GNAQ: variants seen among roughly 807,000 people sequenced by gnomAD.
GNAQ encodes G protein subunit alpha q, also known as guanine nucleotide-binding protein G(q) subunit alpha.
GNAQ carries 8 observed loss-of-function variants against 43.9 expected under a neutral mutation model. The observed-to-expected ratio is 0.18, with a 90% confidence interval of 0.11 to 0.33. The LOEUF is 0.33. Ranked by LOEUF, GNAQ falls within the 10% of genes least tolerant of loss-of-function variation. The probability of loss-of-function intolerance (pLI) is 1.00; values close to 1 mark genes in which losing one functional copy is unlikely to be tolerated. For missense variants in GNAQ, 158 were observed against 450.8 expected, an observed-to-expected ratio of 0.35 and a Z score of 5.88; for synonymous variants, 155 against 170.7, an observed-to-expected ratio of 0.91 and a Z score of 0.71.
intron 6 of GNAQ, 82 bp downstream of exon 6, chr9:77,728,432 T>C: frequency 5.4e-6 from 5 of 922,340 alleles, no homozygotes; most frequent in Non-Finnish European, 9.0e-6. Context: ...AATGGTGCAC[T>C]GTAGTGCGTT....
intron 2 of GNAQ, among the ~76,000 whole-genome samples, chr9:77,845,489 G>T (rs1293070489): frequency 6.6e-6 from 1 of 151,980 alleles, no homozygotes; most frequent in Non-Finnish European, 1.5e-5. Context: ...GTTCCTTTGT[G>T]GATATTATTT....
intron 4 of GNAQ, among the ~76,000 whole-genome samples, chr9:77,795,379 C>T (rs1172566339): frequency 1.3e-5 from 2 of 152,134 alleles, no homozygotes; most frequent in African/African-American, 2.4e-5. Context: ...TCTAGCAATG[C>T]TTGGCACTGA....
intron 1 of GNAQ, among the ~76,000 whole-genome samples, chr9:77,986,800 G>GC (rs1201308086): frequency 1.7e-4 from 23 of 134,612 alleles, no homozygotes; most frequent in African/African-American, 6.4e-4. Flanking sequence ...ATGGCACCTG[G>GC]CCCTTTTTTT....
intron 2 of GNAQ, among the ~76,000 whole-genome samples, chr9:77,853,364 A>G (rs1827701066): frequency 6.6e-6 from 1 of 152,174 alleles, no homozygotes; most frequent in Non-Finnish European, 1.5e-5. Flanking sequence ...GATGTATATA[A>G]ATAGTAGTAA....
intron 3 of GNAQ, among the ~76,000 whole-genome samples, chr9:77,815,174 G>A (rs1298228700): frequency 1.3e-5 from 2 of 152,180 alleles, no homozygotes; most frequent in African/African-American, 4.8e-5. Flanking sequence ...GAAGTCTGAT[G>A]TTTTAAGAAG....
At chr9:77,800,808 T>A (rs927999234) in intron 3 of GNAQ, among the ~76,000 whole-genome samples, 5 of 152,228 alleles carry the variant, frequency 3.3e-5, no homozygotes, top group African/African-American at 9.6e-5. Context: ...TGGGGTTTTC[T>A]AATTTATCAG....
At chr9:78,029,917 C>T (rs1483817612) in intron 1 of GNAQ, among the ~76,000 whole-genome samples, 1 of 152,200 alleles carries the variant, frequency 6.6e-6, no homozygotes, top group Non-Finnish European at 1.5e-5. Context: ...GCTGTTTGCT[C>T]TTCCTGCCAC....
At chr9:77,798,321 T>C (rs550137323) in intron 3 of GNAQ, among the ~76,000 whole-genome samples, 27 of 152,184 alleles carry the variant, frequency 1.8e-4, no homozygotes, top group Non-Finnish European at 2.8e-4. Context: ...TTAAAAGAAT[T>C]TTTCTTTTGA....
chr9:78,023,412 A>G (rs1389332552), intron 1 of GNAQ, among the ~76,000 whole-genome samples: 2 of 152,194 alleles, frequency 1.3e-5, no homozygotes, highest in African/African-American at 2.4e-5. Flanking sequence ...GAACCTCTTT[A>G]GCATCTGTTT....
chr9:77,855,692 T>C (rs1827742966), intron 2 of GNAQ, among the ~76,000 whole-genome samples: 1 of 152,036 alleles, frequency 6.6e-6, no homozygotes, highest in Non-Finnish European at 1.5e-5. Context: ...AAGGCAAAGA[T>C]GCTGAGATTT....
At chr9:77,873,231 A>C (rs1362906742) in intron 2 of GNAQ, among the ~76,000 whole-genome samples, 1 of 152,242 alleles carries the variant, frequency 6.6e-6, no homozygotes, top group African/African-American at 2.4e-5. Context: ...CTGTTTGCAC[A>C]TGCAAGGTAG....
At chr9:77,755,913 G>A (rs910487851) in intron 5 of GNAQ, among the ~76,000 whole-genome samples, 1 of 152,162 alleles carries the variant, frequency 6.6e-6, no homozygotes, top group Non-Finnish European at 1.5e-5. Context: ...TGTCTGTGAT[G>A]GTGTTGCCAA....
At chr9:77,749,386 G>A (rs551893285) in intron 5 of GNAQ, among the ~76,000 whole-genome samples, 2 of 152,270 alleles carry the variant, frequency 1.3e-5, no homozygotes, top group South Asian at 4.1e-4. Flanking sequence ...GTGGTAGAAT[G>A]TTATTCAGGA....
intron 5 of GNAQ, among the ~76,000 whole-genome samples, chr9:77,750,986 G>A (rs1825802492): frequency 6.6e-6 from 1 of 152,208 alleles, no homozygotes; most frequent in South Asian, 2.1e-4. Context: ...CAACTCATGA[G>A]TCTAATAAGT....
Position 78,026,542 on chromosome 9 carries a change from A to G in GNAQ, c.136+4558T>C, listed in dbSNP as rs78432690. On this transcript the variant is annotated intron_variant, in intron 1 of 6. Transcript: ENST00000286548. ...TCCTTAAAGCAGTCTCATAAACACC[A>G]TATTTTGCTATTTTTAGGGAGCTGC... Among the ~76,000 whole-genome samples the G allele has an allele frequency of 2.0e-4, 31 of 152,300 alleles. No homozygotes were observed. The East Asian group carries it at 6.0e-3, about 29-fold the overall frequency.
At chr9:77,808,337 C>CGAGGAA (rs1826860784) in intron 3 of GNAQ, among the ~76,000 whole-genome samples, 1 of 150,386 alleles carries the variant, frequency 6.6e-6, no homozygotes, top group Non-Finnish European at 1.5e-5. Context: ...CAGCATTCAC[C>CGAGGAA]GAGGAAGACA....
chr9:78,009,128 T>C (rs528998486), intron 1 of GNAQ, among the ~76,000 whole-genome samples: 2 of 152,328 alleles, frequency 1.3e-5, no homozygotes, highest in South Asian at 4.1e-4. Context: ...TTTTCCTAAA[T>C]ATCCTTTTAC....
intron 2 of GNAQ, among the ~76,000 whole-genome samples, chr9:77,873,734 A>T (rs1828079078): frequency 6.6e-6 from 1 of 152,250 alleles, no homozygotes; most frequent in Non-Finnish European, 1.5e-5. Context: ...GTGCATAGGC[A>T]ATGAGTAAAT....
chr9:77,950,162 T>G (rs931779079), intron 1 of GNAQ, among the ~76,000 whole-genome samples: 2 of 152,252 alleles, frequency 1.3e-5, no homozygotes, highest in African/African-American at 4.8e-5. Flanking sequence ...TGGAGGCAAT[T>G]AGAAATGATT....
Sources: gnomAD v4.1 joint callset for allele counts (sites outside exome capture counted in the v4.1 genomes callset) on GRCh38, gnomAD v4.1.1 for gene constraint, MANE v1.5 for transcripts, NCBI Gene and HGNC (gene_info 2026-07-23, HGNC 2026-07-21) for gene names.